The following TMEM108 variants were observed in gnomAD, a reference collection of about 807,000 sequenced individuals.
TMEM108 encodes the protein cancer/testis antigen 124.
A neutral mutation model predicts 35.1 loss-of-function variants in TMEM108; 12 were observed. That is an observed-to-expected ratio of 0.34 (90% CI 0.22 to 0.55). The LOEUF (loss-of-function observed/expected upper bound fraction) is 0.55, where lower values mean the gene tolerates loss of function less well. Among genes scored for constraint, TMEM108 ranks in the 20% least tolerant of loss-of-function variants. The pLI, the probability that TMEM108 is intolerant of heterozygous loss-of-function variation, is 0.89. For missense variants in TMEM108, 680 were observed against 753.3 expected, an observed-to-expected ratio of 0.90 and a Z score of 1.14; for synonymous variants, 287 against 308.6, an observed-to-expected ratio of 0.93 and a Z score of 0.73.
intron 1 of TMEM108, among the ~76,000 whole-genome samples, chr3:133,043,758 T>TTTAGGAA (rs567328388): frequency 6.6e-6 from 1 of 152,074 alleles, no homozygotes; most frequent in Non-Finnish European, 1.5e-5. Flanking sequence ...GGCAAAATAA[T>TTTAGGAA]TTACATGCTA....
intron 3 of TMEM108, among the ~76,000 whole-genome samples, chr3:133,361,000 C>T (rs1192400138): frequency 2.0e-5 from 3 of 152,218 alleles, no homozygotes; most frequent in Non-Finnish European, 4.4e-5. Context: ...CTCATGTAAC[C>T]TCAAGACCAC....
At chr3:133,339,077 A>G (rs1372928332) in intron 3 of TMEM108, among the ~76,000 whole-genome samples, 2 of 151,980 alleles carry the variant, frequency 1.3e-5, no homozygotes, top group Non-Finnish European at 2.9e-5. Context: ...CCAGGGGGCA[A>G]ATAACAAAAT....
intron 2 of TMEM108, among the ~76,000 whole-genome samples, chr3:133,058,376 GA>G (rs1268744162): frequency 1.3e-5 from 2 of 152,342 alleles, no homozygotes; most frequent in Non-Finnish European, 2.9e-5. Flanking sequence ...TGCTCCTGAG[GA>G]GAGAATAACT....
chr3:133,224,339 A>C (rs1309635033), intron 2 of TMEM108, among the ~76,000 whole-genome samples: 3 of 152,098 alleles, frequency 2.0e-5, no homozygotes, highest in African/African-American at 7.2e-5. Context: ...TCACTAATAC[A>C]AGGCTGTTTT....
At chr3:133,040,501 C>T (rs1943262547) in intron 1 of TMEM108, among the ~76,000 whole-genome samples, 1 of 151,990 alleles carries the variant, frequency 6.6e-6, no homozygotes, top group African/African-American at 2.4e-5. Flanking sequence ...CCATGCCGGC[C>T]AGAAAATTTT....
intron 3 of TMEM108, among the ~76,000 whole-genome samples, chr3:133,360,007 T>TAAAAAAAAA (rs59374214): frequency 8.9e-6 from 1 of 112,886 alleles, no homozygotes; most frequent in Non-Finnish European, 1.8e-5. Context: ...ACTCAACAGT[T>TAAAAAAAAA]AAAAAAAAAA....
At chr3:133,109,008 C>A (rs1310726268) in intron 2 of TMEM108, among the ~76,000 whole-genome samples, 1 of 152,052 alleles carries the variant, frequency 6.6e-6, no homozygotes, top group Admixed American at 6.6e-5. Flanking sequence ...AAAAGTTGTT[C>A]GTGAAGATGA....
intron 3 of TMEM108, among the ~76,000 whole-genome samples, chr3:133,267,222 T>A (rs906067745): frequency 2.6e-5 from 4 of 152,162 alleles, no homozygotes; most frequent in Non-Finnish European, 4.4e-5. Context: ...GCACTGAGGA[T>A]ACCAAAATGA....
chr3:133,192,372 G>C (rs562473745), intron 2 of TMEM108, among the ~76,000 whole-genome samples: 2 of 152,296 alleles, frequency 1.3e-5, no homozygotes, highest in South Asian at 2.1e-4. Flanking sequence ...GCTCAGGGAG[G>C]TGTCCGTAGT....
rs570431381 is a variant in TMEM108 at position 133,389,005 on chromosome 3, T to C, written c.1451-1175T>C. On this transcript the variant is annotated intron_variant, in intron 4 of 5. Transcript: ENST00000321871. ...GCACCACCAGGATGTCAGATGTGGC[T>C]CTTGGCTTCAGCTCTCCTCATCCCC... 2,726 of 985,698 alleles carry C rather than the reference T, an allele frequency of 2.8e-3. 9 individuals are homozygous for C. Among genetic ancestry groups the C allele is most frequent in the Non-Finnish European group, 3.2e-3 (2,632 of 830,142 alleles). The allele number at this position is 985,698 out of a possible 1,614,324, so 61.1% of individuals were successfully genotyped here.
intron 2 of TMEM108, among the ~76,000 whole-genome samples, chr3:133,079,387 A>G (rs1176711709): frequency 2.0e-5 from 3 of 152,194 alleles, no homozygotes; most frequent in Admixed American, 6.5e-5. Flanking sequence ...CCAGAATAAT[A>G]TAGACTAGGT....
chr3:133,108,156 G>A (rs547118811), intron 2 of TMEM108, among the ~76,000 whole-genome samples: 329 of 152,166 alleles, frequency 2.2e-3, no homozygotes, highest in Non-Finnish European at 1.8e-3. Context: ...ACTTGAACTC[G>A]GGAGGCGGAG....
intron 2 of TMEM108, among the ~76,000 whole-genome samples, chr3:133,089,221 A>G (rs1032939575): frequency 2.6e-5 from 4 of 152,178 alleles, no homozygotes; most frequent in Non-Finnish European, 5.9e-5. Flanking sequence ...ACAATTTGAC[A>G]TGAGATTTGG....
intron 2 of TMEM108, among the ~76,000 whole-genome samples, chr3:133,214,503 A>G (rs1289797895): frequency 2.3e-5 from 3 of 133,312 alleles, no homozygotes; most frequent in Admixed American, 1.6e-4. Context: ...AACTTAATCG[A>G]ATCTTCTCTT....
intron 2 of TMEM108, among the ~76,000 whole-genome samples, chr3:133,202,186 T>C (rs1172111136): frequency 1.3e-5 from 2 of 151,978 alleles, no homozygotes; most frequent in East Asian, 3.9e-4. Context: ...TCCTTGTAGA[T>C]TCTGGAGCCC....
intron 3 of TMEM108, among the ~76,000 whole-genome samples, chr3:133,307,650 T>G (rs1194705242): frequency 6.6e-6 from 1 of 152,200 alleles, no homozygotes; most frequent in African/African-American, 2.4e-5. Flanking sequence ...ATTTCTTGTT[T>G]TTGTCAGGTT....
intron 2 of TMEM108, among the ~76,000 whole-genome samples, chr3:133,151,492 T>G (rs766349510): frequency 5.3e-5 from 8 of 152,174 alleles, no homozygotes; most frequent in Non-Finnish European, 7.3e-5. Flanking sequence ...AGCATAAATT[T>G]TCTTTGTAGA....
chr3:133,202,433 A>G (rs1292968299), intron 2 of TMEM108, among the ~76,000 whole-genome samples: 1 of 152,112 alleles, frequency 6.6e-6, no homozygotes, highest in Non-Finnish European at 1.5e-5. Flanking sequence ...TAGGTCTAAA[A>G]CTTAAGTCTT....
At chr3:133,258,818 A>G (rs938232) in intron 3 of TMEM108, among the ~76,000 whole-genome samples, 146,623 of 152,346 alleles carry the variant, frequency 0.96, 70,789 homozygotes, top group East Asian at 1. Context: ...CAAGAGAAAA[A>G]GTTTATTCTT....
Sources: allele counts gnomAD v4.1 joint callset (sites outside exome capture counted in the v4.1 genomes callset), GRCh38; gene constraint gnomAD v4.1.1; transcripts MANE v1.5; gene names NCBI Gene and HGNC (gene_info 2026-07-23, HGNC 2026-07-21).